Variants in AKT1 observed in about 807,000 individuals in gnomAD.
AKT1 encodes AKT serine/threonine kinase 1.
Under a neutral mutation model 63.1 loss-of-function variants are expected in AKT1, and 21 were observed. The ratio of observed to expected loss-of-function variants is 0.33; its 90% CI spans 0.24 to 0.48. The LOEUF (loss-of-function observed/expected upper bound fraction) is 0.48, where lower values mean the gene tolerates loss of function less well. AKT1 is among the 20% of genes least tolerant of loss of function. The pLI, the probability that AKT1 is intolerant of heterozygous loss-of-function variation, is 0.99. For synonymous variants in AKT1, 257 were observed against 253.1 expected, an observed-to-expected ratio of 1.02 and a Z score of -0.15; for missense variants, 382 against 666.0, an observed-to-expected ratio of 0.57 and a Z score of 4.69.
At chr14:104,789,888 CG>C (rs1207994864) in intron 3 of AKT1, among the ~76,000 whole-genome samples, 2 of 152,208 alleles carry the variant, frequency 1.3e-5, no homozygotes, top group African/African-American at 4.8e-5. Context: ...GGCCTGCAGC[CG>C]GAACTCCTGT....
chr14:104,781,869 AG>A (rs368496087), intron 3 of AKT1, among the ~76,000 whole-genome samples: 1 of 152,278 alleles, frequency 6.6e-6, no homozygotes, highest in East Asian at 1.9e-4. Flanking sequence ...AGGATGATCC[AG>A]GGCCCAGAAT....
rs1207537639 is a variant in AKT1, at chr14:104,769,433, T to TA, written c.*907dup. 9 of 400,442 alleles carry TA rather than the reference T, an allele frequency of 2.2e-5. No individual in the cohort carries two copies. The highest frequency in any genetic ancestry group is 4.1e-5 in the Admixed American group (1 of 24,124). 24.8% of individuals were successfully genotyped at this position (400,442 alleles called of 1,614,324 possible). ...GTAAAAATACTAAAGTTGAATGTTG[T>TA]AAAAAAACGCCGTGGTGCAGCGGCA... On this transcript the variant is annotated 3_prime_UTR_variant, in exon 15 of 15. Transcript: ENST00000649815.
chr14:104,786,770 T>C (rs1482400989), intron 3 of AKT1, among the ~76,000 whole-genome samples: 1 of 152,126 alleles, frequency 6.6e-6, no homozygotes, highest in Admixed American at 6.5e-5. Context: ...ATTGTGGCCC[T>C]GACCCCCGTG....
intron 3 of AKT1, among the ~76,000 whole-genome samples, chr14:104,790,396 G>A (rs1043292457): frequency 6.6e-6 from 1 of 152,202 alleles, no homozygotes; most frequent in Non-Finnish European, 1.5e-5. Flanking sequence ...GCACGGGTGG[G>A]GTCAGCCCAG....
intron 3 of AKT1, among the ~76,000 whole-genome samples, chr14:104,780,579 C>G (rs749691330): frequency 1.3e-5 from 2 of 152,250 alleles, no homozygotes; most frequent in African/African-American, 2.4e-5. Context: ...CAGTCCCCAG[C>G]AGGCACCAGC....
chr14:104,795,644 C>A lies in AKT1; in HGVS notation c.-418G>T. 6.9e-6 allele frequency: 1 copy of A among 143,960 alleles called. No homozygotes were observed. Among genetic ancestry groups the A allele is most frequent in the South Asian group, 2.0e-4 (1 of 4,976 alleles). 8.9% of individuals were successfully genotyped at this position (143,960 alleles called of 1,614,324 possible). A position where few individuals can be genotyped will look rare whatever the true frequency, so the allele number is the denominator to read the frequency against. On this transcript the variant is annotated 5_prime_UTR_variant, in exon 1 of 15. Coordinates refer to ENST00000649815, the MANE Select transcript of AKT1 (RefSeq NM_001382430.1). This position sits in a 1 kb window ranked among gnomAD's most constrained non-coding sequence, Gnocchi z 5.1. ...CCGGGCCTCGCGTGCCGCCGCCGCTCGGTGCCCGGTGCCCAGCGCTCGGTG... is the reference window on the plus strand; with the variant it reads ...CCGGGCCTCGCGTGCCGCCGCCGCTAGGTGCCCGGTGCCCAGCGCTCGGTG...
Position 104,769,501 on chromosome 14 carries a change from G to A in AKT1, c.*840C>T, listed in dbSNP as rs907119826. 7.6e-6 allele frequency: 4 copies of A among 528,208 alleles called. No individual in the cohort carries two copies. The highest frequency in any genetic ancestry group is 5.6e-5 in the African/African-American group (3 of 53,244). The allele number at this position is 528,208 out of a possible 1,614,324, so 32.7% of individuals were successfully genotyped here. A position where few individuals can be genotyped will look rare whatever the true frequency, so the allele number is the denominator to read the frequency against. On this transcript the variant is annotated 3_prime_UTR_variant, in exon 15 of 15. Coordinates refer to ENST00000649815, the MANE Select transcript of AKT1 (RefSeq NM_001382430.1). Reference sequence around the variant, plus strand: ...GGAGGCGTGGAGGGGCCCAGGGATGGCCACCCCCACAGGGAGTCAGGGAGG... The same window carrying A: ...GGAGGCGTGGAGGGGCCCAGGGATGACCACCCCCACAGGGAGTCAGGGAGG...
intron 4 of AKT1, among the ~76,000 whole-genome samples, chr14:104,779,310 CAG>C (rs1197415848): frequency 6.6e-6 from 1 of 152,236 alleles, no homozygotes; most frequent in Non-Finnish European, 1.5e-5. Flanking sequence ...GGCAGCCTCA[CAG>C]AGGGGAAGCA....
At position 104,794,861 on chromosome 14, in the gene AKT1, C is replaced by T. The variant is rs565873572; in HGVS notation, c.-258+623G>A. Reference sequence around the variant, plus strand: ...TCGCTAGCGCCCCAGGATACTCAATCTAAGGGGCAAGCCCCAGCTGCCCTC... The same window carrying T: ...TCGCTAGCGCCCCAGGATACTCAATTTAAGGGGCAAGCCCCAGCTGCCCTC... On this transcript the variant is annotated intron_variant, in intron 1 of 14. Coordinates refer to ENST00000649815, the MANE Select transcript of AKT1 (RefSeq NM_001382430.1). 6 of 152,434 alleles carry T rather than the reference C, an allele frequency of 3.9e-5. No homozygotes were observed. In the East Asian group the frequency reaches 1.2e-3, roughly 29 times the overall value. The allele number at this position is 152,434 out of a possible 1,614,324, so 9.4% of individuals were successfully genotyped here.
At chr14:104,794,802 G>A (rs1393160289) in intron 1 of AKT1, among the ~76,000 whole-genome samples, 1 of 152,222 alleles carries the variant, frequency 6.6e-6, no homozygotes, top group Non-Finnish European at 1.5e-5. Context: ...GCTGACCAAG[G>A]CAGCACTCAG....
intron 12 of AKT1, 98 bp downstream of exon 12, chr14:104,772,780 A>G: frequency 7.8e-7 from 1 of 1,276,740 alleles, no homozygotes; most frequent in Middle Eastern, 2.7e-4. Flanking sequence ...CTATCAGTGT[A>G]GTCTGGGAGG....
intron 4 of AKT1, 48 bp from the exon 5 acceptor site, chr14:104,776,818 C>A: frequency 6.5e-7 from 1 of 1,538,752 alleles, no homozygotes; most frequent in Non-Finnish European, 8.9e-7. Flanking sequence ...CTGCCCCTCC[C>A]AGGGCCCTCA....
chr14:104,791,265 G>A (rs1343073672), intron 3 of AKT1, among the ~76,000 whole-genome samples: 1 of 152,126 alleles, frequency 6.6e-6, no homozygotes, highest in Non-Finnish European at 1.5e-5. Context: ...GGGGCAGGGG[G>A]TCCCTGACAC....
chr14:104,775,236 G>A (rs750669631), intron 6 of AKT1, 29 bp from the exon 7 acceptor site: 57 of 1,611,702 alleles, frequency 3.5e-5, no homozygotes, highest in African/African-American at 5.3e-5. Context: ...GTCAGCAAGC[G>A]GCGCTGCCAA....
intron 13 of AKT1, chr14:104,771,259 C>T: frequency 3.6e-6 from 1 of 277,020 alleles, no homozygotes; most frequent in Non-Finnish European, 6.9e-6. Context: ...CAGGATGAGC[C>T]CACCCTGCCT....
At chr14:104,777,656 T>C (rs1382192705) in intron 4 of AKT1, 2 of 986,430 alleles carry the variant, frequency 2.0e-6, no homozygotes, top group African/African-American at 1.7e-5. Context: ...GTGGAGTGTG[T>C]AGCCGCTGGG....
rs1307342205 is a variant in AKT1 at position 104,773,006 on chromosome 14, G to A, written c.1044C>T (p.Pro348=). The A allele has an allele frequency of 1.1e-5, 18 of 1,614,060 alleles. No homozygotes were observed. The Admixed American group carries it at 1.2e-4, about 10-fold the overall frequency. The change falls in exon 12 of 15, where the codon CCC becomes CCT. Residue 348 remains proline (P), a synonymous_variant. Transcript: ENST00000649815. The part of the protein sequence containing the change: ...VMYEMMCGRL[P]FYNQDHEKLF... ...GCTTCTCATGGTCCTGGTTGTAGAAGGGCAGGCGACCGCACATCATCTCGT... is the reference window on the plus strand; with the variant it reads ...GCTTCTCATGGTCCTGGTTGTAGAAAGGCAGGCGACCGCACATCATCTCGT...
chr14:104,773,641 G>A, intron 9 of AKT1, 61 bp from the exon 10 acceptor site: 1 of 1,554,460 alleles, frequency 6.4e-7, no homozygotes, highest in Non-Finnish European at 8.7e-7. Flanking sequence ...ATGGCCTGCA[G>A]GGCTGGGGTT....
intron 4 of AKT1, 130 bp downstream of exon 4, chr14:104,779,958 G>C: frequency 7.4e-7 from 1 of 1,343,406 alleles, no homozygotes; most frequent in East Asian, 2.5e-5. Context: ...CCCCCACCCA[G>C]CCAGTGCTTG....
Sources: gnomAD v4.1 joint callset for allele counts (sites outside exome capture counted in the v4.1 genomes callset) on GRCh38, gnomAD v4.1.1 for gene constraint, Gnocchi (gnomAD v3.1) non-coding constraint, MANE v1.5 for transcripts, NCBI Gene and HGNC (gene_info 2026-07-23, HGNC 2026-07-21) for gene names.